SPATA17: variants seen among roughly 807,000 people sequenced by gnomAD.
SPATA17 encodes spermatogenesis associated 17, also known as spermatogenesis-associated protein 17.
Under a neutral mutation model 62.2 loss-of-function variants are expected in SPATA17, and 53 were observed. The observed-to-expected ratio is 0.85, with a 90% CI of 0.68 to 1.07. The LOEUF (loss-of-function observed/expected upper bound fraction) is 1.07, where lower values mean the gene tolerates loss of function less well. Ranked by LOEUF, SPATA17 falls within the 50% of genes least tolerant of loss-of-function variation. The pLI is 0.00. For synonymous variants in SPATA17, 146 were observed against 146.8 expected (o/e 0.99, Z 0.04); for missense variants, 466 against 425.5 (o/e 1.10, Z -0.84).
intron 6 of SPATA17, among the ~76,000 whole-genome samples, chr1:217,773,149 G>C (rs1436178719): frequency 6.6e-6 from 1 of 152,144 alleles, no homozygotes; most frequent in Non-Finnish European, 1.5e-5. Flanking sequence ...TGCTGAGTTA[G>C]GCTGGAAATT....
chr1:217,755,798 C>T (rs10863343), intron 6 of SPATA17, among the ~76,000 whole-genome samples: 46,011 of 151,628 alleles, frequency 0.3, 7,256 homozygotes, highest in East Asian at 0.53. Context: ...AGTTAACTTA[C>T]GATCATCTGT....
At chr1:217,793,092 G>T (rs1170563796) in intron 8 of SPATA17, among the ~76,000 whole-genome samples, 1 of 152,012 alleles carries the variant, frequency 6.6e-6, no homozygotes, top group Non-Finnish European at 1.5e-5. Context: ...TTGAGATAAA[G>T]ATTTAGAAAT....
intron 6 of SPATA17, among the ~76,000 whole-genome samples, chr1:217,754,785 G>T (rs1673001714): frequency 6.6e-6 from 1 of 151,934 alleles, no homozygotes; most frequent in South Asian, 2.1e-4. Flanking sequence ...TTTTTCCTTT[G>T]ATCTTTCTCT....
At chr1:217,660,543 T>G (rs921279362) in intron 3 of SPATA17, among the ~76,000 whole-genome samples, 1 of 152,200 alleles carries the variant, frequency 6.6e-6, no homozygotes, top group Non-Finnish European at 1.5e-5. Context: ...CCATCTCCCC[T>G]TCTTCATAAA....
intron 4 of SPATA17, among the ~76,000 whole-genome samples, chr1:217,673,984 C>T (rs1316112290): frequency 6.6e-6 from 1 of 152,106 alleles, no homozygotes; most frequent in African/African-American, 2.4e-5. Flanking sequence ...AGGAAGAAGT[C>T]TCTCATTCAA....
chr1:217,849,393 T>G (rs181624198), intron 9 of SPATA17, among the ~76,000 whole-genome samples: 120 of 152,274 alleles, frequency 7.9e-4, no homozygotes, highest in African/African-American at 2.9e-3. Context: ...TTGAATTTTT[T>G]GGAAATTTGC....
chr1:217,755,776 TCTA>T (rs1250256449), intron 6 of SPATA17, among the ~76,000 whole-genome samples: 1 of 152,124 alleles, frequency 6.6e-6, no homozygotes, highest in East Asian at 1.9e-4. Flanking sequence ...ATATTTAGGT[TCTA>T]TGTACATAAG....
intron 4 of SPATA17, among the ~76,000 whole-genome samples, chr1:217,673,736 A>G (rs2102899743): frequency 6.6e-6 from 1 of 152,214 alleles, no homozygotes. Flanking sequence ...CCCTCCAAAT[A>G]CTGGGCTTAG....
chr1:217,735,024 C>T (rs1340425745), intron 5 of SPATA17, among the ~76,000 whole-genome samples: 1 of 152,156 alleles, frequency 6.6e-6, no homozygotes, highest in Non-Finnish European at 1.5e-5. Flanking sequence ...AATGTAGTTT[C>T]TTCTCTCTCC....
At chr1:217,715,420 A>G (rs1482810240) in intron 5 of SPATA17, among the ~76,000 whole-genome samples, 1 of 152,188 alleles carries the variant, frequency 6.6e-6, no homozygotes, top group Non-Finnish European at 1.5e-5. Context: ...TCCAATTTTA[A>G]TCTTATATTA....
Position 217,648,949 on chromosome 1 carries a change from T to C in SPATA17, c.136T>C (p.Cys46Arg). The part of the protein sequence containing the change: ...AVKIQSWFRG[C>R]QVRAYIRHLN... ...TAAAATCCAAAGCTGGTTTCGAGGA[T>C]GTCAAGTTCGGGCATATATCAGGTA... The change falls in exon 2 of 11, where the codon TGT becomes CGT. Residue 46 changes from cysteine to arginine, a missense_variant. Coordinates refer to ENST00000366933, the MANE Select transcript of SPATA17 (RefSeq NM_138796.4). 6.2e-7 allele frequency: 1 copy of C among 1,610,498 alleles called. No homozygotes were observed. Among genetic ancestry groups the C allele is most frequent in the Non-Finnish European group, 8.5e-7 (1 of 1,178,486 alleles).
chr1:217,807,183 A>G (rs1674453493), intron 9 of SPATA17, among the ~76,000 whole-genome samples: 1 of 150,620 alleles, frequency 6.6e-6, no homozygotes, highest in South Asian at 2.1e-4. Context: ...GTTCTGACTT[A>G]TAAGTGGGAG....
At chr1:217,853,318 C>G (rs61002387) in intron 9 of SPATA17, among the ~76,000 whole-genome samples, 1,577 of 152,124 alleles carry the variant, frequency 0.01, 33 homozygotes, top group African/African-American at 0.036. Context: ...TCATATTAAA[C>G]TAAACATCAG....
chr1:217,747,748 G>A (rs1172878891), intron 6 of SPATA17, among the ~76,000 whole-genome samples: 2 of 152,026 alleles, frequency 1.3e-5, no homozygotes, highest in South Asian at 2.1e-4. Context: ...ATTGTTACAC[G>A]TATATAATGG....
intron 9 of SPATA17, among the ~76,000 whole-genome samples, chr1:217,855,024 T>G (rs985913995): frequency 6.6e-5 from 10 of 152,234 alleles, no homozygotes; most frequent in Admixed American, 5.9e-4. Flanking sequence ...TTGAGCATTT[T>G]CTTGCAGTAC....
chr1:217,722,959 C>T (rs916012006), intron 5 of SPATA17, among the ~76,000 whole-genome samples: 3 of 152,016 alleles, frequency 2.0e-5, no homozygotes, highest in African/African-American at 7.2e-5. Context: ...ATTCATTTTT[C>T]CTAAAGATGA....
chr1:217,832,720 A>G lies in SPATA17; in HGVS notation c.1006-30054A>G, dbSNP rs12741571. On this transcript the variant is annotated intron_variant, in intron 9 of 10. Coordinates refer to ENST00000366933, the MANE Select transcript of SPATA17 (RefSeq NM_138796.4). ...CACTTTTGTAGGTCGAGGTGGGTGG[A>G]CCACTTGAGCCCAGGAGTTTGAGAC... is the stretch of plus-strand genomic sequence containing the variant. Among the ~76,000 whole-genome samples the G allele has an allele frequency of 8.4e-3, 1,280 of 151,644 alleles. 6 individuals are homozygous for G. Among genetic ancestry groups the G allele is most frequent in the Non-Finnish European group, 0.014 (983 of 67,900 alleles).
chr1:217,676,266 C>T (rs942590531), intron 4 of SPATA17, among the ~76,000 whole-genome samples: 2 of 152,092 alleles, frequency 1.3e-5, no homozygotes, highest in Admixed American at 1.3e-4. Context: ...CCTTCCTGCT[C>T]CAATTTTAAA....
chr1:217,865,828 G>A (rs1452195284), intron 10 of SPATA17, among the ~76,000 whole-genome samples: 1 of 152,152 alleles, frequency 6.6e-6, no homozygotes, highest in African/African-American at 2.4e-5. Context: ...TTGCAAAATG[G>A]GCTTTGGTCC....
Sources: allele counts gnomAD v4.1 joint callset (sites outside exome capture counted in the v4.1 genomes callset), GRCh38; gene constraint gnomAD v4.1.1; transcripts MANE v1.5; gene names NCBI Gene and HGNC (gene_info 2026-07-23, HGNC 2026-07-21).